THUMPD2: variants seen among roughly 807,000 people sequenced by gnomAD.
THUMPD2 encodes the protein U6 snRNA (guanine-N(2))-methyltransferase THUMPD2.
In THUMPD2, 56 loss-of-function variants were observed where a neutral mutation model predicts 49.4. The observed-to-expected ratio is 1.13, with a 90% confidence interval of 0.91 to 1.41. The LOEUF (loss-of-function observed/expected upper bound fraction) is 1.41, where lower values mean the gene tolerates loss of function less well. Ranked by LOEUF, THUMPD2 falls within the 40% of genes most tolerant of loss-of-function variation. The pLI is 0.00. For missense variants in THUMPD2, 709 were observed against 594.5 expected (o/e 1.19, Z -2.00); for synonymous variants, 237 against 205.2 (o/e 1.15, Z -1.32).
intron 9 of THUMPD2, among the ~76,000 whole-genome samples, chr2:39,738,344 CTTGAGCA>C (rs1445806982): frequency 2.0e-5 from 3 of 152,080 alleles, no homozygotes; most frequent in African/African-American, 4.8e-5. Flanking sequence ...GGGAGGATCG[CTTGAGCA>C]CAGGAGTTTG....
At chr2:39,761,465 A>T (rs1253781107) in intron 5 of THUMPD2, 47 bp from the exon 6 acceptor site, 4 of 1,541,130 alleles carry the variant, frequency 2.6e-6, no homozygotes, top group Non-Finnish European at 3.6e-6. Context: ...ATTGAACAAC[A>T]AGATATAAAA....
In THUMPD2 at chr2:39,761,355, T is replaced by C. The variant is rs767837266; in HGVS notation, c.867A>G (p.Ala289=). Reference sequence around the variant, plus strand: ...CCTTAATGTCAGCCAGAGATGCCATTGCCCACGCTATTGTAGATCGCAGTC... The same window carrying C: ...CCTTAATGTCAGCCAGAGATGCCATCGCCCACGCTATTGTAGATCGCAGTC... ...TAGLRSTIAW[A]MASLADIKAG... Residue 289 remains alanine, a synonymous_variant, in exon 6 of 10, where the codon GCA becomes GCG. Transcript: ENST00000505747. The C allele has an allele frequency of 6.2e-7, 1 of 1,613,822 alleles. No homozygotes were observed. Among genetic ancestry groups the C allele is most frequent in the South Asian group, 1.1e-5 (1 of 91,072 alleles).
intron 7 of THUMPD2, 80 bp downstream of exon 7, chr2:39,755,809 C>A: frequency 1.7e-6 from 2 of 1,163,718 alleles, no homozygotes; most frequent in Non-Finnish European, 2.5e-6. Flanking sequence ...AGACATTCTA[C>A]TTGTAAATAA....
intron 9 of THUMPD2, among the ~76,000 whole-genome samples, chr2:39,742,771 T>A (rs1402083464): frequency 6.6e-6 from 1 of 152,178 alleles, no homozygotes; most frequent in Non-Finnish European, 1.5e-5. Context: ...CTCCACCAGA[T>A]AAATTAAGTT....
intron 4 of THUMPD2, among the ~76,000 whole-genome samples, chr2:39,767,083 C>A (rs1000927816): frequency 6.6e-6 from 1 of 152,110 alleles, no homozygotes; most frequent in African/African-American, 2.4e-5. Context: ...AGATTTGATT[C>A]CTCTGTCAAT....
chr2:39,770,751 T>C (rs1678198328), intron 2 of THUMPD2, among the ~76,000 whole-genome samples: 4 of 152,116 alleles, frequency 2.6e-5, no homozygotes, highest in South Asian at 2.1e-4. Flanking sequence ...GGAGGAATTA[T>C]ATTGATCCCA....
In THUMPD2 at chr2:39,779,163, A is replaced by T; in HGVS notation, c.77T>A (p.Leu26Gln). 6.6e-7 allele frequency: 1 copy of T among 1,521,330 alleles called. No individual in the cohort carries two copies. The highest frequency in any genetic ancestry group is 8.8e-7 in the Non-Finnish European group (1 of 1,139,964). The allele number at this position is 1,521,330 out of a possible 1,614,324, so 94.2% of individuals were successfully genotyped here. The change falls in exon 1 of 10, where the codon CTG becomes CAG. Residue 26 changes from leucine (L) to glutamine (Q), a missense_variant. Coordinates refer to ENST00000505747, the MANE Select transcript of THUMPD2 (RefSeq NM_025264.5). The stretch of plus-strand genomic sequence containing the variant: ...CACCTCTCGCATTACGAACGGCTCC[A>T]GGCCGCGACCCGCAGTGCAGAAGAA... ...ARFFCTAGRG[L>Q]EPFVMREVRA...
intron 8 of THUMPD2, among the ~76,000 whole-genome samples, chr2:39,747,272 G>A (rs766936008): frequency 9.9e-5 from 15 of 152,046 alleles, no homozygotes; most frequent in Non-Finnish European, 2.2e-4. Flanking sequence ...TATATTTTGA[G>A]GTTTATTGCA....
intron 8 of THUMPD2, among the ~76,000 whole-genome samples, chr2:39,746,199 C>T (rs148463295): frequency 9.8e-4 from 149 of 152,276 alleles, no homozygotes; most frequent in African/African-American, 3.3e-3. Context: ...AAAAGCTTTG[C>T]AGAACACAGT....
chr2:39,768,640 T>G, intron 3 of THUMPD2, 139 bp from the exon 4 acceptor site: 1 of 779,720 alleles, frequency 1.3e-6, no homozygotes, highest in Non-Finnish European at 2.0e-6. Context: ...ATATTAAAAT[T>G]GTACATGAAA....
intron 1 of THUMPD2, among the ~76,000 whole-genome samples, chr2:39,776,114 T>C (rs140744027): frequency 1.8e-3 from 276 of 152,350 alleles, no homozygotes; most frequent in African/African-American, 6.5e-3. Context: ...ATAGCAGTAC[T>C]TAATAATACA....
intron 6 of THUMPD2, among the ~76,000 whole-genome samples, chr2:39,756,935 A>AATG (rs1327924135): frequency 7.2e-6 from 1 of 139,202 alleles, no homozygotes; most frequent in Non-Finnish European, 1.5e-5. Flanking sequence ...TAATAATAAT[A>AATG]ATAAATGGTA....
chr2:39,756,016 A>G, intron 6 of THUMPD2, 56 bp from the exon 7 acceptor site: 1 of 1,472,160 alleles, frequency 6.8e-7, no homozygotes, highest in Non-Finnish European at 9.4e-7. Context: ...ACGTACTATA[A>G]AAGAAACCTA....
At chr2:39,756,923 A>AATG (rs1272764467) in intron 6 of THUMPD2, among the ~76,000 whole-genome samples, 1 of 146,914 alleles carries the variant, frequency 6.8e-6, no homozygotes, top group Non-Finnish European at 1.5e-5. Context: ...TAATAATAAT[A>AATG]ATAATAATAA....
intron 3 of THUMPD2, chr2:39,769,501 A>G: frequency 2.3e-6 from 1 of 442,976 alleles, no homozygotes. Context: ...CAGGAGTTCC[A>G]GACCAGCCTG....
intron 7 of THUMPD2, 136 bp downstream of exon 7, chr2:39,755,753 A>T: frequency 8.3e-6 from 4 of 483,508 alleles, no homozygotes; most frequent in Non-Finnish European, 1.3e-5. Context: ...CTCATCATCT[A>T]TTTTGAGTAA....
At chr2:39,769,584 C>T in intron 3 of THUMPD2, 126 bp downstream of exon 3, 1 of 934,822 alleles carries the variant, frequency 1.1e-6, no homozygotes, top group Non-Finnish European at 1.5e-6. Flanking sequence ...CACCTGTGAT[C>T]CCAGCTACTC....
intron 8 of THUMPD2, among the ~76,000 whole-genome samples, chr2:39,748,173 G>A (rs73924918): frequency 0.056 from 8,526 of 152,150 alleles, 398 homozygotes; most frequent in African/African-American, 0.12. Context: ...TTTGATTATA[G>A]ATTTCCAGTA....
chr2:39,764,849 C>A (rs142725033), intron 5 of THUMPD2, among the ~76,000 whole-genome samples: 1 of 152,186 alleles, frequency 6.6e-6, no homozygotes, highest in African/African-American at 2.4e-5. Flanking sequence ...TCATTTTCAA[C>A]TAGTGCTCAT....
Sources: allele counts gnomAD v4.1 joint callset (sites outside exome capture counted in the v4.1 genomes callset), GRCh38; gene constraint gnomAD v4.1.1; transcripts MANE v1.5; gene names NCBI Gene and HGNC (gene_info 2026-07-23, HGNC 2026-07-21).